KIF11: variants seen among roughly 807,000 people sequenced by gnomAD.
KIF11 encodes the protein kinesin family member 11.
Under a neutral mutation model 121.0 loss-of-function variants are expected in KIF11, and 9 were observed. The ratio of observed to expected loss-of-function variants is 0.07; its 90% CI spans 0.04 to 0.13. The LOEUF is 0.13. KIF11 is among the 10% of genes least tolerant of loss of function. KIF11 has a pLI of 1.00. For synonymous variants in KIF11, 408 were observed against 421.0 expected (o/e 0.97, Z 0.38); for missense variants, 846 against 1,217.5 (o/e 0.69, Z 4.54).
chr10:92,628,950 A>G, intron 11 of KIF11, 55 bp downstream of exon 11: 8 of 962,148 alleles, frequency 8.3e-6, no homozygotes, highest in Admixed American at 2.7e-5. Flanking sequence ...TTGAAAGAAA[A>G]TTTTAGAATG....
At position 92,613,347 on chromosome 10, in the gene KIF11, C is replaced by A. The variant is rs999229673; in HGVS notation, c.790-30C>A. 2.7e-6 allele frequency: 4 copies of A among 1,485,508 alleles called. No homozygotes were observed. Among genetic ancestry groups the A allele is most frequent in the South Asian group, 1.2e-5 (1 of 81,432 alleles). The allele number at this position is 1,485,508 out of a possible 1,614,324, so 92.0% of individuals were successfully genotyped here. ...TCTTTGAATCCAAATCCAATAGACTCACTTTTTATTTTTATTTTTAAAATT... is the reference window on the plus strand; with the variant it reads ...TCTTTGAATCCAAATCCAATAGACTAACTTTTTATTTTTATTTTTAAAATT... On this transcript the variant is annotated intron_variant, in intron 7 of 21. Transcript: ENST00000260731. This position sits in a 1 kb window ranked among gnomAD's most constrained non-coding sequence, Gnocchi z 4.2.
chr10:92,602,077 A>G (rs1844379609), intron 1 of KIF11, among the ~76,000 whole-genome samples: 1 of 152,038 alleles, frequency 6.6e-6, no homozygotes, highest in African/African-American at 2.4e-5. Context: ...ATCAATTTTT[A>G]CATGTTGGAC....
At chr10:92,609,578 C>G in intron 6 of KIF11, 69 bp downstream of exon 6, 1 of 1,497,124 alleles carries the variant, frequency 6.7e-7, no homozygotes. Context: ...TGGAGAAAGT[C>G]AAATTGGGGT....
At position 92,613,015 on chromosome 10, in the gene KIF11, T is replaced by C. The variant is rs748674857; in HGVS notation, c.699-25T>C. 2.5e-5 allele frequency: 35 copies of C among 1,377,786 alleles called. No homozygotes were observed. The highest frequency in any genetic ancestry group is 3.5e-5 in the Non-Finnish European group (34 of 975,146). 85.3% of individuals were successfully genotyped at this position (1,377,786 alleles called of 1,614,324 possible). A position where few individuals can be genotyped will look rare whatever the true frequency, so the allele number is the denominator to read the frequency against. ...AAATGCTATTTTACATTATAATGAC[T>C]GGGCAACTTGATATTGTTTTCTAGT... is the stretch of plus-strand genomic sequence containing the variant. On this transcript the variant is annotated intron_variant, in intron 6 of 21. Coordinates refer to ENST00000260731, the MANE Select transcript of KIF11 (RefSeq NM_004523.4). This position sits in a 1 kb window ranked among gnomAD's most constrained non-coding sequence, Gnocchi z 4.2.
chr10:92,598,682 G>A (rs1442045589), intron 1 of KIF11, among the ~76,000 whole-genome samples: 1 of 152,216 alleles, frequency 6.6e-6, no homozygotes, highest in African/African-American at 2.4e-5. Context: ...ACTTTGGGTA[G>A]TATTGGCATC....
At chr10:92,595,766 C>T (rs1589584199) in intron 1 of KIF11, among the ~76,000 whole-genome samples, 2 of 152,186 alleles carry the variant, frequency 1.3e-5, no homozygotes, top group East Asian at 1.9e-4. Context: ...ACCTACCATT[C>T]GACTGTCTTA....
At chr10:92,602,923 T>G (rs1445949634) in intron 1 of KIF11, among the ~76,000 whole-genome samples, 2 of 151,500 alleles carry the variant, frequency 1.3e-5, no homozygotes, top group African/African-American at 2.4e-5. Context: ...TGGCGCGATC[T>G]CGGCTCACTG....
At chr10:92,600,548 A>G (rs2135897069) in intron 1 of KIF11, among the ~76,000 whole-genome samples, 1 of 151,800 alleles carries the variant, frequency 6.6e-6, no homozygotes, top group East Asian at 2.0e-4. Context: ...TCGCTCTGTC[A>G]CCAGGCTGGA....
Position 92,619,882 on chromosome 10 carries a change from G to A in KIF11, c.1129-1503G>A, listed in dbSNP as rs999317271. On this transcript the variant is annotated intron_variant, in intron 9 of 21. Coordinates refer to ENST00000260731, the MANE Select transcript of KIF11 (RefSeq NM_004523.4). ...TTATAATTTATTTGGGGAAATATCT[G>A]TATATTTGTCCTGTAGAGTTTTACC... 2.6e-5 allele frequency among the ~76,000 whole-genome samples: 4 copies of A among 151,100 alleles called. No homozygotes were observed. The South Asian group carries it at 6.2e-4, about 24-fold the overall frequency.
intron 8 of KIF11, among the ~76,000 whole-genome samples, chr10:92,614,068 ATAG>A (rs1844527654): frequency 1.4e-5 from 2 of 140,006 alleles, no homozygotes; most frequent in Non-Finnish European, 3.0e-5. Context: ...ACACACACAT[ATAG>A]TAGGGAAAAA....
intron 1 of KIF11, among the ~76,000 whole-genome samples, chr10:92,598,309 CAT>C (rs1187209286): frequency 6.6e-6 from 1 of 152,178 alleles, no homozygotes; most frequent in African/African-American, 2.4e-5. Context: ...CATTCTTTTG[CAT>C]ATGGATATTT....
chr10:92,634,435 A>G (rs954537698), intron 14 of KIF11, among the ~76,000 whole-genome samples: 2 of 150,678 alleles, frequency 1.3e-5, no homozygotes, highest in African/African-American at 4.9e-5. Context: ...ACGCCTGGCT[A>G]ATTTTCGTAT....
chr10:92,651,515 T>A lies in KIF11; in HGVS notation c.3039+998T>A, dbSNP rs1374031581. Among the ~76,000 whole-genome samples the A allele has an allele frequency of 1.1e-3, 48 of 45,672 alleles. 4 individuals are homozygous for A. The highest frequency in any genetic ancestry group is 4.5e-3 in the African/African-American group (27 of 6,016). 30.0% of individuals were successfully genotyped at this position (45,672 alleles called of 152,430 possible). ...CATGCCTGGCTAATTTTGTTTTTTTTTTTTTTTTTTTTTTTTTTTTTTTTT... is the reference window on the plus strand; with the variant it reads ...CATGCCTGGCTAATTTTGTTTTTTTATTTTTTTTTTTTTTTTTTTTTTTTT... On this transcript the variant is annotated intron_variant, in intron 21 of 21. Coordinates refer to ENST00000260731, the MANE Select transcript of KIF11 (RefSeq NM_004523.4).
At position 92,595,205 on chromosome 10, in the gene KIF11, G is replaced by A. The variant is rs145922887; in HGVS notation, c.77+1753G>A. On this transcript the variant is annotated intron_variant, in intron 1 of 21. Coordinates refer to ENST00000260731, the MANE Select transcript of KIF11 (RefSeq NM_004523.4). ...CTCTCAGGTAGCTGGGATTACAGGC[G>A]CACACCGCCATGCCTGGCTAATTTT... Among the ~76,000 whole-genome samples, 573 of 152,202 alleles carry A rather than the reference G, an allele frequency of 3.8e-3. 1 individual carries two copies. Among genetic ancestry groups the A allele is most frequent in the Non-Finnish European group, 7.0e-3 (475 of 68,008 alleles).
chr10:92,637,026 C>T, intron 14 of KIF11, among the ~76,000 whole-genome samples, 158 bp from the exon 15 acceptor site: 1 of 114,732 alleles, frequency 8.7e-6, no homozygotes, highest in Admixed American at 9.3e-5. Flanking sequence ...GAATGAGACT[C>T]CGTCTCAAAA....
At chr10:92,596,779 G>A (rs1844301640) in intron 1 of KIF11, 1 of 152,796 alleles carries the variant, frequency 6.5e-6, no homozygotes, top group Non-Finnish European at 1.5e-5. Context: ...ATACATAAAC[G>A]GCAAAAATTT....
At chr10:92,652,145 T>C (rs145406999) in intron 21 of KIF11, among the ~76,000 whole-genome samples, 1 of 151,698 alleles carries the variant, frequency 6.6e-6, no homozygotes, top group East Asian at 2.0e-4. Flanking sequence ...TCTTGTTTTG[T>C]TTTTTTGTTT....
chr10:92,653,560 TAA>T, intron 21 of KIF11, 103 bp from the exon 22 acceptor site: 1 of 1,122,612 alleles, frequency 8.9e-7, no homozygotes, highest in South Asian at 2.0e-5. Flanking sequence ...TTTCTACACT[TAA>T]GTTTTTTTGC....
intron 1 of KIF11, among the ~76,000 whole-genome samples, chr10:92,598,978 A>G (rs541718537): frequency 2.0e-5 from 3 of 152,156 alleles, no homozygotes; most frequent in Admixed American, 1.3e-4. Context: ...AAGTTTCACC[A>G]TGTTGGTCAG....
Sources: allele counts gnomAD v4.1 joint callset (sites outside exome capture counted in the v4.1 genomes callset), GRCh38; gene constraint gnomAD v4.1.1; non-coding constraint Gnocchi (gnomAD v3.1); transcripts MANE v1.5; gene names NCBI Gene and HGNC (gene_info 2026-07-23, HGNC 2026-07-21).